Variants in MECOM observed in about 807,000 individuals in gnomAD.
MECOM encodes the protein histone-lysine N-methyltransferase MECOM.
Under a neutral mutation model 116.3 loss-of-function variants are expected in MECOM, and 13 were observed. That is an observed-to-expected ratio of 0.11 (90% confidence interval 0.07 to 0.18). MECOM has a LOEUF of 0.18. Among genes scored for constraint, MECOM ranks in the 10% least tolerant of loss-of-function variants. The pLI, the probability that MECOM is intolerant of heterozygous loss-of-function variation, is 1.00. For missense variants in MECOM, 1,299 were observed against 1,509.0 expected, an observed-to-expected ratio of 0.86 and a Z score of 2.31; for synonymous variants, 528 against 535.2, an observed-to-expected ratio of 0.99 and a Z score of 0.19.
intron 2 of MECOM, among the ~76,000 whole-genome samples, chr3:169,212,636 GTATATATATATA>G (rs61115570): frequency 0.01 from 270 of 26,034 alleles, 3 homozygotes; most frequent in African/African-American, 0.042. Context: ...AGTCAGCAAT[GTATATATATATA>G]TATATATATA....
At chr3:169,302,486 T>C (rs1003246039) in intron 2 of MECOM, among the ~76,000 whole-genome samples, 1 of 152,240 alleles carries the variant, frequency 6.6e-6, no homozygotes. Context: ...ATTATAATTA[T>C]CGCCTGGTTA....
chr3:169,415,568 T>G (rs990696153), intron 1 of MECOM, among the ~76,000 whole-genome samples: 1 of 151,970 alleles, frequency 6.6e-6, no homozygotes, highest in African/African-American at 2.4e-5. Context: ...ATGCCCCAAT[T>G]AAAAGGCACA....
intron 2 of MECOM, among the ~76,000 whole-genome samples, chr3:169,191,566 T>A (rs1747551855): frequency 1.4e-5 from 2 of 138,766 alleles, no homozygotes. Flanking sequence ...AAGGAAAGAG[T>A]GAAGGTAGGG....
chr3:169,203,934 G>C (rs1749551256), intron 2 of MECOM, among the ~76,000 whole-genome samples: 1 of 152,194 alleles, frequency 6.6e-6, no homozygotes, highest in Non-Finnish European at 1.5e-5. Context: ...CTGAATAGAT[G>C]ATAGGAATGT....
chr3:169,362,670 A>T (rs1728497500), intron 2 of MECOM, among the ~76,000 whole-genome samples: 1 of 151,964 alleles, frequency 6.6e-6, no homozygotes, highest in South Asian at 2.1e-4. Flanking sequence ...AGAACAACTG[A>T]CTGACAGCAG....
chr3:169,173,374 A>G (rs111338255), intron 2 of MECOM, among the ~76,000 whole-genome samples: 7 of 152,146 alleles, frequency 4.6e-5, no homozygotes, highest in African/African-American at 1.4e-4. Context: ...AACAACTCTC[A>G]AAGCTTTAAT....
chr3:169,216,077 A>G (rs1305570570), intron 2 of MECOM, among the ~76,000 whole-genome samples: 1 of 152,234 alleles, frequency 6.6e-6, no homozygotes, highest in Non-Finnish European at 1.5e-5. Context: ...TGTAAGCCAA[A>G]GTTATTTTAG....
At chr3:169,411,468 G>T (rs938477584) in intron 1 of MECOM, among the ~76,000 whole-genome samples, 7 of 152,178 alleles carry the variant, frequency 4.6e-5, no homozygotes, top group Non-Finnish European at 1.0e-4. Flanking sequence ...AAAACCCAAG[G>T]ATAGGCACTG....
chr3:169,482,056 T>G (rs1751368531), intron 1 of MECOM, among the ~76,000 whole-genome samples: 1 of 152,160 alleles, frequency 6.6e-6, no homozygotes, highest in Non-Finnish European at 1.5e-5. Context: ...AAAATTCAAC[T>G]CTAACACTTC....
At chr3:169,338,338 A>G (rs1157091664) in intron 2 of MECOM, among the ~76,000 whole-genome samples, 1 of 152,082 alleles carries the variant, frequency 6.6e-6, no homozygotes, top group African/African-American at 2.4e-5. Context: ...GAGTGTAATA[A>G]TTATCACCCT....
chr3:169,421,734 C>T (rs571515831), intron 1 of MECOM, among the ~76,000 whole-genome samples: 3 of 151,540 alleles, frequency 2.0e-5, no homozygotes, highest in Non-Finnish European at 4.4e-5. Context: ...GTTTACAATT[C>T]TTTTCTGCAT....
At chr3:169,266,873 AAGAG>A (rs200798277) in intron 2 of MECOM, among the ~76,000 whole-genome samples, 2 of 151,868 alleles carry the variant, frequency 1.3e-5, no homozygotes. Context: ...ATTATAGGGA[AAGAG>A]AGAGAGAGAA....
intron 1 of MECOM, among the ~76,000 whole-genome samples, chr3:169,394,498 G>A (rs1258048684): frequency 6.6e-6 from 1 of 152,200 alleles, no homozygotes; most frequent in Non-Finnish European, 1.5e-5. Flanking sequence ...AGATAATCAA[G>A]AGGATTGTGA....
chr3:169,485,995 GTATATATATACTATA>G (rs1480093488), intron 1 of MECOM, among the ~76,000 whole-genome samples: 3 of 65,078 alleles, frequency 4.6e-5, no homozygotes, highest in Non-Finnish European at 9.1e-5. Context: ...GTATATATAT[GTATATATATACTATA>G]TATATATGTA....
intron 2 of MECOM, among the ~76,000 whole-genome samples, chr3:169,187,063 T>A (rs1746880454): frequency 6.6e-6 from 1 of 152,152 alleles, no homozygotes; most frequent in Non-Finnish European, 1.5e-5. Flanking sequence ...TTATTTACTG[T>A]TAGGTCTTAG....
At position 169,347,515 on chromosome 3, in the gene MECOM, G is replaced by C. The variant is rs534652145; in HGVS notation, c.375+33672C>G. ...ATTTACTAGGGGAAAAAAGACTTCT[G>C]CACTGCTTGAATTTTACTATATGCA... is the stretch of plus-strand genomic sequence containing the variant. On this transcript the variant is annotated intron_variant, in intron 2 of 16. Coordinates refer to ENST00000651503, the MANE Select transcript of MECOM (RefSeq NM_004991.4). Among the ~76,000 whole-genome samples the C allele has an allele frequency of 7.3e-4, 111 of 152,036 alleles. 1 individual carries two copies. The highest frequency in any genetic ancestry group is 3.6e-3 in the Admixed American group (55 of 15,218).
intron 3 of MECOM, among the ~76,000 whole-genome samples, chr3:169,134,920 C>T (rs1457060750): frequency 6.6e-6 from 1 of 151,940 alleles, no homozygotes; most frequent in African/African-American, 2.4e-5. Context: ...AGGAATCAGG[C>T]CTTTCAGAAA....
chr3:169,107,984 T>C, intron 9 of MECOM, 32 bp from the exon 10 acceptor site: 1 of 1,603,130 alleles, frequency 6.2e-7, no homozygotes, highest in Non-Finnish European at 8.5e-7. Context: ...AAACAAAAAA[T>C]TACTTCTGTG....
At chr3:169,647,308 A>T (rs2110065425) in intron 1 of MECOM, among the ~76,000 whole-genome samples, 1 of 152,312 alleles carries the variant, frequency 6.6e-6, no homozygotes, top group African/African-American at 2.4e-5. Context: ...CACCTCATAG[A>T]GATGTGAGGA....
Sources: allele counts gnomAD v4.1 joint callset (sites outside exome capture counted in the v4.1 genomes callset), GRCh38; gene constraint gnomAD v4.1.1; transcripts MANE v1.5; gene names NCBI Gene and HGNC (gene_info 2026-07-23, HGNC 2026-07-21).